TENM4: variants seen among roughly 807,000 people sequenced by gnomAD.
The protein encoded by TENM4 is teneurin-4.
TENM4 carries 82 observed loss-of-function variants against 243.3 expected under a neutral mutation model. The observed-to-expected ratio is 0.34, with a 90% CI of 0.28 to 0.40. TENM4 has a LOEUF of 0.40. Ranked by LOEUF, TENM4 falls within the 10% of genes least tolerant of loss-of-function variation. The pLI, the probability that TENM4 is intolerant of heterozygous loss-of-function variation, is 1.00. For synonymous variants in TENM4, 1,412 were observed against 1,456.3 expected (o/e 0.97, Z 0.69); for missense variants, 3,138 against 3,673.3 (o/e 0.85, Z 3.77).
intron 9 of TENM4, among the ~76,000 whole-genome samples, chr11:78,868,108 C>T (rs1006804825): frequency 2.1e-5 from 3 of 142,906 alleles, no homozygotes; most frequent in Admixed American, 7.0e-5. Flanking sequence ...CAAATATAAA[C>T]GGTTCTCCCC....
chr11:78,738,808 C>T (rs1000671696), intron 19 of TENM4, among the ~76,000 whole-genome samples: 5 of 152,252 alleles, frequency 3.3e-5, no homozygotes, highest in African/African-American at 4.8e-5. Context: ...TGATCTCACT[C>T]GGAGGTTATT....
At chr11:79,437,644 A>G (rs978020776) in intron 1 of TENM4, among the ~76,000 whole-genome samples, 2 of 152,104 alleles carry the variant, frequency 1.3e-5, no homozygotes, top group Non-Finnish European at 2.9e-5. Context: ...CACGAAGACA[A>G]CTGGAGGCCG....
chr11:79,197,085 A>C (rs1299643552), intron 3 of TENM4, among the ~76,000 whole-genome samples: 1 of 152,170 alleles, frequency 6.6e-6, no homozygotes, highest in African/African-American at 2.4e-5. Flanking sequence ...ACCTGAGCCA[A>C]CTAGAATGTA....
intron 4 of TENM4, among the ~76,000 whole-genome samples, chr11:79,125,658 T>C (rs1861860006): frequency 6.6e-6 from 1 of 152,138 alleles, no homozygotes; most frequent in African/African-American, 2.4e-5. Context: ...CCATCCCCAG[T>C]AGTGGCAACA....
chr11:79,276,379 C>A (rs1856056449), intron 2 of TENM4, among the ~76,000 whole-genome samples: 1 of 152,208 alleles, frequency 6.6e-6, no homozygotes, highest in Non-Finnish European at 1.5e-5. Context: ...CTAACCTGCA[C>A]AGAAGGGCTA....
At chr11:79,252,984 A>T (rs189595116) in intron 2 of TENM4, among the ~76,000 whole-genome samples, 1 of 152,362 alleles carries the variant, frequency 6.6e-6, no homozygotes, top group African/African-American at 2.4e-5. Context: ...TACATATATT[A>T]TATCAACAGA....
At chr11:79,087,730 C>T (rs1338839785) in intron 4 of TENM4, among the ~76,000 whole-genome samples, 3 of 152,248 alleles carry the variant, frequency 2.0e-5, no homozygotes, top group African/African-American at 7.2e-5. Context: ...ACAGAGGTGA[C>T]ATTCTCAGAA....
intron 29 of TENM4, among the ~76,000 whole-genome samples, chr11:78,686,997 G>A (rs930549351): frequency 6.6e-6 from 1 of 152,188 alleles, no homozygotes. Flanking sequence ...TGCTTATTGA[G>A]CAATAGTATG....
chr11:79,214,470 T>A (rs1450695499), intron 3 of TENM4, among the ~76,000 whole-genome samples: 1 of 152,220 alleles, frequency 6.6e-6, no homozygotes, highest in African/African-American at 2.4e-5. Context: ...AAATCTTCCA[T>A]ATGTCTTTGT....
intron 6 of TENM4, among the ~76,000 whole-genome samples, chr11:79,025,194 G>A (rs1277128311): frequency 6.6e-6 from 1 of 152,122 alleles, no homozygotes; most frequent in Non-Finnish European, 1.5e-5. Flanking sequence ...CTGAGACAGG[G>A]TAGGGGTCAT....
chr11:79,183,763 G>C (rs1863331560), intron 3 of TENM4, among the ~76,000 whole-genome samples: 1 of 152,072 alleles, frequency 6.6e-6, no homozygotes, highest in Non-Finnish European at 1.5e-5. Flanking sequence ...ATGAACGAAT[G>C]ACTCAAAAGG....
chr11:79,231,384 A>ATT (rs11293184), intron 2 of TENM4, among the ~76,000 whole-genome samples: 1 of 147,904 alleles, frequency 6.8e-6, no homozygotes, highest in Non-Finnish European at 1.5e-5. Context: ...TAAATTAGTA[A>ATT]TTTTTTTTTT....
chr11:78,855,044 G>A (rs1407594334), intron 11 of TENM4, among the ~76,000 whole-genome samples: 1 of 152,100 alleles, frequency 6.6e-6, no homozygotes, highest in African/African-American at 2.4e-5. Flanking sequence ...AGCAAATTGG[G>A]TAGTTATCTA....
intron 1 of TENM4, among the ~76,000 whole-genome samples, chr11:79,416,143 G>T (rs1858808341): frequency 6.6e-6 from 1 of 152,162 alleles, no homozygotes; most frequent in Non-Finnish European, 1.5e-5. Flanking sequence ...TTCACCTGTT[G>T]ATGGACATTT....
rs1211552164 is a variant in TENM4 at position 78,862,913 on chromosome 11, C to G, written c.1255+49G>C. The G allele has an allele frequency of 5.2e-6, 7 of 1,350,164 alleles. No individual in the cohort carries two copies. The East Asian group carries it at 1.1e-4, about 22-fold the overall frequency. The allele number at this position is 1,350,164 out of a possible 1,614,324, so 83.6% of individuals were successfully genotyped here. A position where few individuals can be genotyped will look rare whatever the true frequency, so the allele number is the denominator to read the frequency against. ...GCACGTTATGGAGGGCTCTTCAGCT[C>G]AGAGGCAGACACAGAGGACTCACAA... On this transcript the variant is annotated intron_variant, in intron 10 of 33. Transcript: ENST00000278550.
At chr11:78,706,360 C>A (rs1214284302) in intron 27 of TENM4, among the ~76,000 whole-genome samples, 1 of 152,120 alleles carries the variant, frequency 6.6e-6, no homozygotes, top group African/African-American at 2.4e-5. Flanking sequence ...GGGTTTGTCT[C>A]CTCCCAAAGG....
rs1307064328 is a variant in TENM4 at position 79,111,588 on chromosome 11, C to A, written c.-66+37122G>T. Reference sequence around the variant, plus strand: ...AACGACAAAAAAACAAAAACAAAACCCCTCTTTTTCTTTATAAATTACCCA... The same window carrying A: ...AACGACAAAAAAACAAAAACAAAACACCTCTTTTTCTTTATAAATTACCCA... On this transcript the variant is annotated intron_variant, in intron 4 of 33. Transcript: ENST00000278550. 2.0e-5 allele frequency among the ~76,000 whole-genome samples: 3 copies of A among 152,040 alleles called. No homozygotes were observed. In the East Asian group the frequency reaches 5.8e-4, roughly 29 times the overall value.
At chr11:78,714,409 A>G (rs1785810) in intron 25 of TENM4, among the ~76,000 whole-genome samples, 20,846 of 141,474 alleles carry the variant, frequency 0.15, 1,698 homozygotes, top group African/African-American at 0.27. Context: ...TCCAGATCCA[A>G]TGCTTTCCTT....
intron 1 of TENM4, among the ~76,000 whole-genome samples, chr11:79,400,140 CACACA>C (rs767840186): frequency 4.8e-5 from 7 of 146,848 alleles, no homozygotes; most frequent in African/African-American, 1.0e-4. Context: ...CACACACACA[CACACA>C]CCCTCCAGGA....
Sources: allele counts gnomAD v4.1 joint callset (sites outside exome capture counted in the v4.1 genomes callset), GRCh38; gene constraint gnomAD v4.1.1; transcripts MANE v1.5; gene names NCBI Gene and HGNC (gene_info 2026-07-23, HGNC 2026-07-21).